ASPH: variants seen among roughly 807,000 people sequenced by gnomAD.
The protein encoded by ASPH is aspartate beta-hydroxylase.
ASPH carries 100 observed loss-of-function variants against 118.4 expected under a neutral mutation model. That is an observed-to-expected ratio of 0.84 (90% CI 0.72 to 1.00). The LOEUF (loss-of-function observed/expected upper bound fraction) is 1.00. Ranked by LOEUF, ASPH falls within the 50% of genes least tolerant of loss-of-function variation. The probability of loss-of-function intolerance (pLI) is 0.00; values close to 1 mark genes in which losing one functional copy is unlikely to be tolerated. For missense variants in ASPH, 920 were observed against 919.5 expected (o/e 1.00, Z -0.01); for synonymous variants, 315 against 325.6 (o/e 0.97, Z 0.35).
At chr8:61,674,119 G>A (rs989711308) in intron 3 of ASPH, among the ~76,000 whole-genome samples, 4 of 151,972 alleles carry the variant, frequency 2.6e-5, no homozygotes, top group Non-Finnish European at 4.4e-5. Context: ...TCAATTAATC[G>A]AATATCTTCT....
chr8:61,616,687 C>G (rs1053672807), intron 14 of ASPH, among the ~76,000 whole-genome samples: 1 of 152,194 alleles, frequency 6.6e-6, no homozygotes, highest in African/African-American at 2.4e-5. Flanking sequence ...TCTCTTGTCT[C>G]AGGACTTTTG....
intron 3 of ASPH, among the ~76,000 whole-genome samples, chr8:61,679,714 A>C (rs1827022256): frequency 6.6e-6 from 1 of 151,884 alleles, no homozygotes. Flanking sequence ...TGAAGTAATA[A>C]ACCATTTATA....
At chr8:61,685,632 A>C (rs1463542762) in intron 1 of ASPH, among the ~76,000 whole-genome samples, 3 of 152,134 alleles carry the variant, frequency 2.0e-5, no homozygotes, top group Non-Finnish European at 2.9e-5. Context: ...TCTGGAAGAA[A>C]AAATGAAATT....
In ASPH at chr8:61,517,658, T is replaced by A; in HGVS notation, c.1996A>T (p.Lys666Ter). ...ETTGCRRGQI[K>*]YSIMHPGTHV... is the part of the protein sequence containing the mutation. ...GTCCCGGGGTGCATGATGGAATATT[T>A]GATCTGCATAGAAAACATGACACTC... Residue 666 changes from lysine to a stop codon, truncating the protein, a stop_gained, in exon 24 of 25, where the codon AAA becomes TAA. Coordinates refer to ENST00000379454, the MANE Select transcript of ASPH (RefSeq NM_004318.4). LOFTEE classifies it high-confidence loss of function. 3.1e-6 allele frequency: 5 copies of A among 1,613,798 alleles called. No homozygotes were observed. The highest frequency in any genetic ancestry group is 4.2e-6 in the Non-Finnish European group (5 of 1,179,726).
At chr8:61,557,664 C>T (rs1373494142) in intron 18 of ASPH, among the ~76,000 whole-genome samples, 1 of 152,180 alleles carries the variant, frequency 6.6e-6, no homozygotes, top group Non-Finnish European at 1.5e-5. Context: ...GTCTGTTTTG[C>T]TCATTGCTCA....
intron 21 of ASPH, among the ~76,000 whole-genome samples, chr8:61,531,518 TTTTG>T (rs1224604090): frequency 2.6e-5 from 4 of 152,198 alleles, no homozygotes; most frequent in Non-Finnish European, 5.9e-5. Flanking sequence ...TAGTAAATAA[TTTTG>T]TTTTATAATT....
intron 14 of ASPH, 123 bp from the exon 15 acceptor site, chr8:61,584,152 C>T: frequency 1.6e-6 from 1 of 614,594 alleles, no homozygotes; most frequent in Non-Finnish European, 2.8e-6. Context: ...CAGGAGAAGG[C>T]ACACTGCAGG....
chr8:61,644,522 T>C (rs534366513), intron 7 of ASPH, 78 bp downstream of exon 7: 46 of 968,870 alleles, frequency 4.7e-5, no homozygotes, highest in Admixed American at 2.6e-4. Context: ...TCATTAATAA[T>C]AGATATTATG....
intron 21 of ASPH, among the ~76,000 whole-genome samples, chr8:61,539,699 G>GGTGTGTGTGTGTGTGTGT (rs10522481): frequency 0.076 from 9,368 of 123,812 alleles, 598 homozygotes; most frequent in Middle Eastern, 0.11. Flanking sequence ...ACACTTCTGG[G>GGTGTGTGTGTGTGTGTGT]GTGTGTGTGT....
At chr8:61,685,731 G>A (rs561729143) in intron 1 of ASPH, among the ~76,000 whole-genome samples, 1 of 151,654 alleles carries the variant, frequency 6.6e-6, no homozygotes, top group Non-Finnish European at 1.5e-5. Flanking sequence ...ATCCATCTGA[G>A]TATATATATG....
chr8:61,615,292 T>C (rs1848657557), intron 14 of ASPH, among the ~76,000 whole-genome samples: 1 of 152,202 alleles, frequency 6.6e-6, no homozygotes, highest in Admixed American at 6.5e-5. Flanking sequence ...ACTCCTGCCC[T>C]TGCCTCTTCA....
intron 19 of ASPH, among the ~76,000 whole-genome samples, chr8:61,553,646 T>C (rs1176610491): frequency 6.6e-6 from 1 of 152,150 alleles, no homozygotes; most frequent in Non-Finnish European, 1.5e-5. Flanking sequence ...AAAGCCAATT[T>C]GAATCTTTAA....
intron 17 of ASPH, among the ~76,000 whole-genome samples, chr8:61,566,806 T>A (rs1459506287): frequency 2.0e-5 from 3 of 152,224 alleles, no homozygotes; most frequent in Admixed American, 6.5e-5. Context: ...AATAACATAT[T>A]TTTAAATTAA....
At chr8:61,617,948 AAAGAAAG>A (rs1849609912) in intron 14 of ASPH, among the ~76,000 whole-genome samples, 1 of 149,886 alleles carries the variant, frequency 6.7e-6, no homozygotes, top group African/African-American at 2.5e-5. Context: ...AAAAAAAAAA[AAAGAAAG>A]AAAGAAAGAA....
At chr8:61,554,171 C>T (rs925225963) in intron 19 of ASPH, among the ~76,000 whole-genome samples, 2 of 152,210 alleles carry the variant, frequency 1.3e-5, no homozygotes, top group Non-Finnish European at 2.9e-5. Context: ...GCCCACAGGG[C>T]CCTGGCAGGA....
At chr8:61,542,668 T>G (rs1055353758) in intron 21 of ASPH, among the ~76,000 whole-genome samples, 5 of 152,226 alleles carry the variant, frequency 3.3e-5, no homozygotes, top group African/African-American at 1.2e-4. Context: ...CTTTTATGTT[T>G]ACCCACTATC....
intron 1 of ASPH, among the ~76,000 whole-genome samples, chr8:61,699,722 A>G (rs1834789926): frequency 6.6e-6 from 1 of 152,240 alleles, no homozygotes. Flanking sequence ...AGACTGTGAA[A>G]AAAAATTCCA....
At chr8:61,711,718 C>T (rs1838104560) in intron 1 of ASPH, among the ~76,000 whole-genome samples, 1 of 151,722 alleles carries the variant, frequency 6.6e-6, no homozygotes, top group African/African-American at 2.4e-5. Context: ...TCTTTTTTCC[C>T]CATACGTTTA....
In ASPH at chr8:61,516,264, T is replaced by C. The variant is rs571430665; in HGVS notation, c.2126+1264A>G. Among the ~76,000 whole-genome samples, 234 of 152,322 alleles carry C rather than the reference T, an allele frequency of 1.5e-3. No individual in the cohort carries two copies. The Middle Eastern group carries it at 0.017, about 11-fold the overall frequency. ...TGTGAGCAGGTGAGGCTCCTGCTCA[T>C]GGAGCCATCTGTAGTATTTTTAGCT... On this transcript the variant is annotated intron_variant, in intron 24 of 24. Coordinates refer to ENST00000379454, the MANE Select transcript of ASPH (RefSeq NM_004318.4).
Sources: gnomAD v4.1 joint callset for allele counts (sites outside exome capture counted in the v4.1 genomes callset) on GRCh38, gnomAD v4.1.1 for gene constraint, MANE v1.5 for transcripts, NCBI Gene and HGNC (gene_info 2026-07-23, HGNC 2026-07-21) for gene names.